The following RBFOX1 variants were observed in gnomAD, a reference collection of about 807,000 sequenced individuals.
The protein encoded by RBFOX1 is RNA binding protein fox-1 homolog 1.
A neutral mutation model predicts 57.7 loss-of-function variants in RBFOX1; 8 were observed. The observed-to-expected ratio is 0.14, with a 90% CI of 0.08 to 0.25. The LOEUF (loss-of-function observed/expected upper bound fraction) is 0.25. Among genes scored for constraint, RBFOX1 ranks in the 10% least tolerant of loss-of-function variants. RBFOX1 has a pLI of 1.00. For synonymous variants in RBFOX1, 326 were observed against 222.4 expected, an observed-to-expected ratio of 1.47 and a Z score of -4.15; for missense variants, 611 against 548.5, an observed-to-expected ratio of 1.11 and a Z score of -1.14.
chr16:5,591,576 A>G lies in RBFOX1; in HGVS notation c.259-7326A>G, dbSNP rs868753386. On this transcript the variant is annotated intron_variant, in intron 2 of 2. Transcript: ENST00000585867. ...CAAAATGAGCCTTTTAAAAAATATC[A>G]GTTTCTTCTCTGTCTTCTGAAGATT... 2.6e-5 allele frequency among the ~76,000 whole-genome samples: 4 copies of G among 152,274 alleles called. No homozygotes were observed. In the Middle Eastern group the frequency reaches 0.01, roughly 388 times the overall value.
intron 3 of RBFOX1, among the ~76,000 whole-genome samples, chr16:6,848,491 A>G (rs529214071): frequency 2.0e-5 from 3 of 152,110 alleles, no homozygotes; most frequent in African/African-American, 7.2e-5. Context: ...TGAAGGCACT[A>G]TTTGCTATTT....
intron 3 of RBFOX1, among the ~76,000 whole-genome samples, chr16:6,881,450 G>A (rs1018083220): frequency 3.3e-5 from 5 of 152,118 alleles, no homozygotes; most frequent in Non-Finnish European, 7.3e-5. Flanking sequence ...TGAGCAAAGG[G>A]TCTGCTGCAG....
intron 1 of RBFOX1, among the ~76,000 whole-genome samples, chr16:6,163,477 C>T (rs1332731976): frequency 6.6e-6 from 1 of 152,124 alleles, no homozygotes; most frequent in African/African-American, 2.4e-5. Flanking sequence ...CTGAAAGTTT[C>T]CAGGACTTGA....
intron 5 of RBFOX1, among the ~76,000 whole-genome samples, chr16:7,548,756 A>G (rs1465107727): frequency 6.6e-6 from 1 of 152,166 alleles, no homozygotes; most frequent in African/African-American, 2.4e-5. Flanking sequence ...TCTCCACTTG[A>G]GGCCGCCATG....
Position 6,530,364 on chromosome 16 carries a change from T to G in RBFOX1, c.-63-124239T>G, listed in dbSNP as rs992497168. On this transcript the variant is annotated intron_variant, in intron 2 of 15. Coordinates refer to ENST00000550418, the MANE Select transcript of RBFOX1 (RefSeq NM_018723.4). ...TAGTTCCAGCAGAAACAGCTGAGCT[T>G]GAGCCAGTTTGGTGCTACATTCCAA... Among the ~76,000 whole-genome samples, 5 of 152,274 alleles carry G rather than the reference T, an allele frequency of 3.3e-5. No homozygotes were observed. The South Asian group carries it at 1.0e-3, about 32-fold the overall frequency.
chr16:6,196,146 A>C (rs1196417182), intron 1 of RBFOX1, among the ~76,000 whole-genome samples: 1 of 152,204 alleles, frequency 6.6e-6, no homozygotes, highest in Non-Finnish European at 1.5e-5. Context: ...TCTACAAGTT[A>C]GGCTTCATTG....
intron 14 of RBFOX1, among the ~76,000 whole-genome samples, chr16:7,687,262 C>T (rs1217507289): frequency 6.6e-6 from 1 of 152,008 alleles, no homozygotes; most frequent in Admixed American, 6.6e-5. Flanking sequence ...TTGTACCATT[C>T]TGGAGTAGAG....
chr16:7,120,452 C>A (rs576872484), intron 4 of RBFOX1, among the ~76,000 whole-genome samples: 58 of 151,900 alleles, frequency 3.8e-4, no homozygotes, highest in African/African-American at 1.4e-3. Flanking sequence ...GCAGAGATGA[C>A]AAAAATTACA....
intron 3 of RBFOX1, among the ~76,000 whole-genome samples, chr16:6,894,249 T>C (rs2066219972): frequency 6.6e-6 from 1 of 152,204 alleles, no homozygotes; most frequent in Admixed American, 6.5e-5. Flanking sequence ...CATTGGTCAT[T>C]GGTCATTTCA....
chr16:6,747,066 C>A (rs199946633), intron 3 of RBFOX1, among the ~76,000 whole-genome samples: 1 of 152,124 alleles, frequency 6.6e-6, no homozygotes, highest in African/African-American at 2.4e-5. Context: ...GAACCCCTCA[C>A]GGTACCATAG....
At chr16:6,933,495 C>A (rs984224361) in intron 3 of RBFOX1, among the ~76,000 whole-genome samples, 1 of 152,214 alleles carries the variant, frequency 6.6e-6, no homozygotes, top group Non-Finnish European at 1.5e-5. Context: ...GGCAGATCAC[C>A]TGAGGTCAGG....
chr16:7,292,752 G>T (rs2095817563), intron 4 of RBFOX1, among the ~76,000 whole-genome samples: 1 of 151,934 alleles, frequency 6.6e-6, no homozygotes, highest in African/African-American at 2.4e-5. Context: ...TACTGAAATA[G>T]TCTTGAATTA....
chr16:7,394,495 C>A (rs1161759955), intron 4 of RBFOX1, among the ~76,000 whole-genome samples: 1 of 152,040 alleles, frequency 6.6e-6, no homozygotes, highest in Non-Finnish European at 1.5e-5. Context: ...AGAGTCAAAC[C>A]CCCACACCTT....
At chr16:6,975,899 G>C (rs1418700521) in intron 3 of RBFOX1, among the ~76,000 whole-genome samples, 1 of 152,118 alleles carries the variant, frequency 6.6e-6, no homozygotes, top group African/African-American at 2.4e-5. Flanking sequence ...GGCTGAGGTA[G>C]GTGGTCACTT....
intron 3 of RBFOX1, among the ~76,000 whole-genome samples, chr16:6,709,326 T>G (rs1480991756): frequency 1.3e-5 from 2 of 152,200 alleles, no homozygotes; most frequent in South Asian, 2.1e-4. Context: ...TCTCCGAGAT[T>G]AATTAAAGGG....
intron 3 of RBFOX1, among the ~76,000 whole-genome samples, chr16:6,947,303 C>G (rs909059653): frequency 6.6e-6 from 1 of 152,148 alleles, no homozygotes; most frequent in Non-Finnish European, 1.5e-5. Context: ...ACCCTTCCCA[C>G]AGGTAGGGTG....
At chr16:7,364,560 T>C (rs1226404197) in intron 4 of RBFOX1, among the ~76,000 whole-genome samples, 1 of 139,304 alleles carries the variant, frequency 7.2e-6, no homozygotes, top group Non-Finnish European at 1.5e-5. Flanking sequence ...GTAGCTCACA[T>C]GATATCAAGA....
chr16:6,914,908 G>C lies in RBFOX1; in HGVS notation c.-15-137149G>C, dbSNP rs547502597. Among the ~76,000 whole-genome samples, 17 of 152,316 alleles carry C rather than the reference G, an allele frequency of 1.1e-4. No homozygotes were observed. In the East Asian group the frequency reaches 1.2e-3, roughly 10 times the overall value. On this transcript the variant is annotated intron_variant, in intron 3 of 15. Transcript: ENST00000550418. The stretch of plus-strand genomic sequence containing the variant: ...CTCAAAAACAAAACACAGATGGATA[G>C]GTTTGAGACAGCCCTCACTCACATA...
At chr16:7,035,628 C>T (rs1240653228) in intron 3 of RBFOX1, among the ~76,000 whole-genome samples, 3 of 152,070 alleles carry the variant, frequency 2.0e-5, no homozygotes, top group South Asian at 2.1e-4. Context: ...ATCTGAAGAG[C>T]TCTCTGAGCT....
Sources: allele counts gnomAD v4.1 joint callset (sites outside exome capture counted in the v4.1 genomes callset), GRCh38; gene constraint gnomAD v4.1.1; transcripts MANE v1.5; gene names NCBI Gene and HGNC (gene_info 2026-07-23, HGNC 2026-07-21).